MEIS1: variants seen among roughly 807,000 people sequenced by gnomAD.
MEIS1 encodes the protein Meis homeobox 1, also known as homeobox protein Meis1.
A neutral mutation model predicts 50.8 loss-of-function variants in MEIS1; 5 were observed. The ratio of observed to expected loss-of-function variants is 0.10; its 90% CI spans 0.05 to 0.21. The LOEUF (loss-of-function observed/expected upper bound fraction) is 0.21, where lower values mean the gene tolerates loss of function less well. Among genes scored for constraint, MEIS1 ranks in the 10% least tolerant of loss-of-function variants. MEIS1 has a pLI of 1.00. For missense variants in MEIS1, 318 were observed against 517.3 expected, an observed-to-expected ratio of 0.61 and a Z score of 3.74; for synonymous variants, 176 against 179.3, an observed-to-expected ratio of 0.98 and a Z score of 0.15.
At chr2:66,526,732 TAAATA>T (rs1372380002) in intron 8 of MEIS1, among the ~76,000 whole-genome samples, 2 of 152,342 alleles carry the variant, frequency 1.3e-5, no homozygotes, top group East Asian at 1.9e-4. Flanking sequence ...TTTAATTTGC[TAAATA>T]AAATAAAGGC....
intron 7 of MEIS1, among the ~76,000 whole-genome samples, chr2:66,511,148 T>C (rs1174907143): frequency 6.6e-6 from 1 of 152,232 alleles, no homozygotes; most frequent in Non-Finnish European, 1.5e-5. Flanking sequence ...CCTTTGTTGT[T>C]TTCCTTTTTG....
intron 2 of MEIS1, chr2:66,439,544 GC>G: frequency 6.6e-7 from 1 of 1,505,292 alleles, no homozygotes; most frequent in Non-Finnish European, 8.9e-7. Flanking sequence ...CAAAATGGCT[GC>G]TGGAAACGCT....
chr2:66,512,479 T>C (rs1458612345), intron 8 of MEIS1, among the ~76,000 whole-genome samples, 185 bp downstream of exon 8: 2 of 152,224 alleles, frequency 1.3e-5, no homozygotes, highest in Non-Finnish European at 2.9e-5. Flanking sequence ...AGAAATTTTA[T>C]TTAAAATTCA....
At chr2:66,511,551 CA>C (rs965206131) in intron 7 of MEIS1, among the ~76,000 whole-genome samples, 3 of 152,130 alleles carry the variant, frequency 2.0e-5, no homozygotes, top group Non-Finnish European at 4.4e-5. Flanking sequence ...GAAACTATGT[CA>C]GGGGTTTTTC....
intron 7 of MEIS1, among the ~76,000 whole-genome samples, chr2:66,472,245 G>A (rs1417157737): frequency 2.0e-5 from 3 of 152,178 alleles, no homozygotes; most frequent in Non-Finnish European, 1.5e-5. Flanking sequence ...TTCTTCACAT[G>A]GTGTCATTCT....
chr2:66,467,031 T>TACACAGTGGAGGCATG (rs1401136054), intron 7 of MEIS1, among the ~76,000 whole-genome samples: 2 of 152,072 alleles, frequency 1.3e-5, no homozygotes, highest in African/African-American at 4.8e-5. Flanking sequence ...TTAAATAACC[T>TACACAGTGGAGGCATG]TATCTGCTAC....
At chr2:66,509,840 A>G (rs1020118002) in intron 7 of MEIS1, among the ~76,000 whole-genome samples, 2 of 152,242 alleles carry the variant, frequency 1.3e-5, no homozygotes, top group African/African-American at 4.8e-5. Context: ...ATTGATGCAC[A>G]AAGCTGGAAA....
intron 8 of MEIS1, among the ~76,000 whole-genome samples, chr2:66,537,715 G>A (rs891129173): frequency 2.0e-5 from 3 of 152,144 alleles, no homozygotes; most frequent in African/African-American, 4.8e-5. Flanking sequence ...TTCCAAAATG[G>A]CGTTGTAGTA....
intron 8 of MEIS1, among the ~76,000 whole-genome samples, chr2:66,535,732 G>A (rs147965264): frequency 1.3e-5 from 2 of 152,254 alleles, no homozygotes; most frequent in African/African-American, 2.4e-5. Context: ...GCTTAAGAAG[G>A]TTCATAAAGA....
chr2:66,483,896 A>G (rs1419831444), intron 7 of MEIS1, among the ~76,000 whole-genome samples: 1 of 152,224 alleles, frequency 6.6e-6, no homozygotes, highest in Non-Finnish European at 1.5e-5. Context: ...GGCCACTAAC[A>G]AAGTTTCTTC....
intron 7 of MEIS1, among the ~76,000 whole-genome samples, chr2:66,493,530 A>C (rs1400132461): frequency 6.6e-6 from 1 of 152,206 alleles, no homozygotes; most frequent in Non-Finnish European, 1.5e-5. Context: ...CTATATCTTT[A>C]GAAAATGATC....
chr2:66,479,965 G>A (rs1672979864), intron 7 of MEIS1, among the ~76,000 whole-genome samples: 1 of 152,164 alleles, frequency 6.6e-6, no homozygotes, highest in Non-Finnish European at 1.5e-5. Flanking sequence ...TTGTTTTGAT[G>A]CATAGTGTAG....
intron 8 of MEIS1, among the ~76,000 whole-genome samples, chr2:66,540,723 A>G (rs1674630580): frequency 6.6e-6 from 1 of 152,256 alleles, no homozygotes; most frequent in Non-Finnish European, 1.5e-5. Context: ...ACGAATGTTA[A>G]TCCATTTAGG....
chr2:66,441,477 G>C lies in MEIS1; in HGVS notation c.483+13G>C. 2 of 1,537,550 alleles carry C rather than the reference G, an allele frequency of 1.3e-6. No individual in the cohort carries two copies. Among genetic ancestry groups the C allele is most frequent in the Non-Finnish European group, 1.8e-6 (2 of 1,140,984 alleles). ...GGAATTAGAGAAGGTAATTTCTCTA[G>C]CCTCTTTTCCTTTTACTTACCCCTT... On this transcript the variant is annotated intron_variant, in intron 5 of 12. Transcript: ENST00000272369.
chr2:66,448,183 A>C (rs1159655713), intron 6 of MEIS1, among the ~76,000 whole-genome samples: 1 of 152,212 alleles, frequency 6.6e-6, no homozygotes, highest in Non-Finnish European at 1.5e-5. Context: ...GGCTTTCAAA[A>C]AAGTAACTGA....
rs537429409 is a variant in MEIS1 at position 66,514,074 on chromosome 2, T to G, written c.888+1780T>G. 7.7e-3 allele frequency among the ~76,000 whole-genome samples: 1,180 copies of G among 152,318 alleles called. 15 individuals carry two copies. Among genetic ancestry groups the G allele is most frequent in the African/African-American group, 0.027 (1,121 of 41,578 alleles). On this transcript the variant is annotated intron_variant, in intron 8 of 12. Transcript: ENST00000272369. ...GTGGTGGATAAAATCAGGTTGGCCC[T>G]GAAGTCACAATCAAATAATTTCTAT...
intron 7 of MEIS1, among the ~76,000 whole-genome samples, chr2:66,488,092 T>C (rs1054378671): frequency 6.6e-6 from 1 of 152,230 alleles, no homozygotes; most frequent in Non-Finnish European, 1.5e-5. Context: ...ATCAGCTTTT[T>C]TGTTAGACTT....
intron 7 of MEIS1, among the ~76,000 whole-genome samples, chr2:66,494,095 T>G (rs997017807): frequency 3.3e-5 from 5 of 151,596 alleles, no homozygotes; most frequent in African/African-American, 9.8e-5. Context: ...GTGAAGATCA[T>G]ACTTCATCAG....
At chr2:66,448,656 C>CA (rs1270383501) in intron 6 of MEIS1, among the ~76,000 whole-genome samples, 7 of 152,142 alleles carry the variant, frequency 4.6e-5, no homozygotes, top group African/African-American at 1.7e-4. Context: ...ATAAATATGT[C>CA]AAACAAATGT....
Sources: allele counts gnomAD v4.1 joint callset (sites outside exome capture counted in the v4.1 genomes callset), GRCh38; gene constraint gnomAD v4.1.1; transcripts MANE v1.5; gene names NCBI Gene and HGNC (gene_info 2026-07-23, HGNC 2026-07-21).